Variants in WWOX observed in about 807,000 individuals in gnomAD.
WWOX encodes WW domain containing oxidoreductase.
A neutral mutation model predicts 46.2 loss-of-function variants in WWOX; 69 were observed. The observed-to-expected ratio is 1.49, with a 90% confidence interval of 1.23 to 1.82. WWOX has a LOEUF of 1.82. Among genes scored for constraint, WWOX ranks in the 40% most tolerant of loss-of-function variants. WWOX has a pLI of 0.00. For synonymous variants in WWOX, 359 were observed against 202.6 expected (o/e 1.77, Z -6.56); for missense variants, 919 against 542.6 (o/e 1.69, Z -6.89).
intron 6 of WWOX, among the ~76,000 whole-genome samples, chr16:78,387,184 T>A (rs930264004): frequency 5.3e-5 from 8 of 152,210 alleles, no homozygotes; most frequent in Non-Finnish European, 1.0e-4. Context: ...GAGAAGACAC[T>A]ATTAAAGCAC....
At chr16:78,334,950 G>T (rs2080853191) in intron 5 of WWOX, among the ~76,000 whole-genome samples, 1 of 148,964 alleles carries the variant, frequency 6.7e-6, no homozygotes, top group African/African-American at 2.5e-5. Context: ...GCAGCAAAAT[G>T]TGAGATGGGC....
intron 8 of WWOX, among the ~76,000 whole-genome samples, chr16:78,645,249 T>C (rs2046812301): frequency 6.6e-6 from 1 of 152,108 alleles, no homozygotes; most frequent in South Asian, 2.1e-4. Context: ...CATTGCTTAG[T>C]TGTCAGTATA....
At chr16:78,749,621 C>T (rs1200702186) in intron 8 of WWOX, among the ~76,000 whole-genome samples, 2 of 152,076 alleles carry the variant, frequency 1.3e-5, no homozygotes, top group African/African-American at 4.8e-5. Flanking sequence ...GATAAGGAAG[C>T]ATGAATTAGG....
intron 8 of WWOX, among the ~76,000 whole-genome samples, chr16:79,121,889 T>G (rs113791312): frequency 0.016 from 2,362 of 152,154 alleles, 62 homozygotes; most frequent in African/African-American, 0.053. Flanking sequence ...GTGTGTGTGT[T>G]TGTGTTTTTT....
chr16:79,085,081 A>G (rs1333523310), intron 8 of WWOX, among the ~76,000 whole-genome samples: 5 of 152,198 alleles, frequency 3.3e-5, no homozygotes, highest in Admixed American at 1.3e-4. Flanking sequence ...ATGAGTCGCC[A>G]CACTCAATTA....
intron 8 of WWOX, among the ~76,000 whole-genome samples, chr16:78,527,245 G>A (rs1567623354): frequency 6.6e-6 from 1 of 151,696 alleles, no homozygotes. Context: ...TTCTAAGCTG[G>A]TAGCAGAAGC....
intron 8 of WWOX, among the ~76,000 whole-genome samples, chr16:78,702,812 C>T (rs1015242588): frequency 6.6e-6 from 1 of 152,092 alleles, no homozygotes; most frequent in Non-Finnish European, 1.5e-5. Context: ...CTGTGTGCTG[C>T]GGGTCGAGGG....
chr16:78,432,649 C>A lies in WWOX; in HGVS notation c.953C>A (p.Ser318Ter). ...HRRLSPRGVT[S>*]NAVHPGNMMY... ...CGCCTCTCCCCACGCGGGGTCACGT[C>A]GAACGCAGTGCATCCTGGAAATATG... Residue 318 changes from serine to a stop codon, truncating the protein, a stop_gained, in exon 8 of 9, where the codon TCG (serine) becomes TAG (stop). Transcript: ENST00000566780. LOFTEE classifies it high-confidence loss of function. 6.2e-7 allele frequency: 1 copy of A among 1,614,210 alleles called. No individual in the cohort carries two copies. Among genetic ancestry groups the A allele is most frequent in the South Asian group, 1.1e-5 (1 of 91,080 alleles).
intron 5 of WWOX, among the ~76,000 whole-genome samples, chr16:78,216,060 C>G (rs977686): frequency 0.46 from 70,183 of 152,070 alleles, 18,338 homozygotes; most frequent in East Asian, 0.69. Flanking sequence ...ACAAACACAT[C>G]GCTAACCAAT....
intron 8 of WWOX, among the ~76,000 whole-genome samples, chr16:78,442,936 C>A (rs1010074767): frequency 1.3e-5 from 2 of 151,956 alleles, no homozygotes; most frequent in African/African-American, 4.8e-5. Context: ...TCCTAGCTAA[C>A]ATGGTGAAAC....
intron 8 of WWOX, among the ~76,000 whole-genome samples, chr16:78,696,520 C>A (rs1384750974): frequency 6.6e-6 from 1 of 152,036 alleles, no homozygotes; most frequent in Non-Finnish European, 1.5e-5. Context: ...GATACTCTCT[C>A]ACAATGCTAG....
intron 8 of WWOX, among the ~76,000 whole-genome samples, chr16:78,882,352 A>G (rs1417799785): frequency 1.3e-5 from 2 of 152,184 alleles, no homozygotes; most frequent in African/African-American, 4.8e-5. Context: ...CTTGCCCAAA[A>G]TAGCACAGCA....
At chr16:78,584,970 T>C (rs971904123) in intron 8 of WWOX, among the ~76,000 whole-genome samples, 1 of 152,218 alleles carries the variant, frequency 6.6e-6, no homozygotes, top group African/African-American at 2.4e-5. Context: ...CTGAGGTGCC[T>C]GAGGGTTGGG....
intron 5 of WWOX, among the ~76,000 whole-genome samples, chr16:78,204,806 G>A (rs1460634033): frequency 6.6e-6 from 1 of 152,156 alleles, no homozygotes; most frequent in Non-Finnish European, 1.5e-5. Context: ...ATATTGCATA[G>A]CAAGTCTGTG....
chr16:78,353,590 AT>A (rs2081226050), intron 5 of WWOX, among the ~76,000 whole-genome samples: 1 of 152,216 alleles, frequency 6.6e-6, no homozygotes, highest in South Asian at 2.1e-4. Context: ...TCACCAAGGA[AT>A]TTACCAATAT....
At chr16:78,390,998 C>G (rs945367622) in intron 6 of WWOX, among the ~76,000 whole-genome samples, 5 of 152,192 alleles carry the variant, frequency 3.3e-5, no homozygotes, top group African/African-American at 9.7e-5. Flanking sequence ...CATGCTCCAT[C>G]TCAAGTGTTT....
chr16:79,150,476 C>A (rs1276361632), intron 8 of WWOX, among the ~76,000 whole-genome samples: 1 of 152,088 alleles, frequency 6.6e-6, no homozygotes, highest in African/African-American at 2.4e-5. Context: ...AAATCTATGT[C>A]CCCAATATAG....
intron 8 of WWOX, among the ~76,000 whole-genome samples, chr16:78,773,060 C>T (rs368089565): frequency 6.6e-6 from 1 of 151,274 alleles, no homozygotes; most frequent in South Asian, 2.1e-4. Flanking sequence ...ACAAAAGAAA[C>T]AAACAAACAA....
At chr16:78,566,430 C>G (rs930204694) in intron 8 of WWOX, among the ~76,000 whole-genome samples, 2 of 152,180 alleles carry the variant, frequency 1.3e-5, no homozygotes, top group African/African-American at 4.8e-5. Context: ...TTTCTGAGTT[C>G]TGCCAAAAAC....
Sources: gnomAD v4.1 joint callset for allele counts (sites outside exome capture counted in the v4.1 genomes callset) on GRCh38, gnomAD v4.1.1 for gene constraint, MANE v1.5 for transcripts, NCBI Gene and HGNC (gene_info 2026-07-23, HGNC 2026-07-21) for gene names.